KLHDC2: variants seen among roughly 807,000 people sequenced by gnomAD.
KLHDC2 encodes the protein kelch domain-containing protein 2.
A neutral mutation model predicts 62.3 loss-of-function variants in KLHDC2; 38 were observed. The observed-to-expected ratio is 0.61, with a 90% confidence interval of 0.47 to 0.80. KLHDC2 has a LOEUF of 0.80. Among genes scored for constraint, KLHDC2 ranks in the 30% least tolerant of loss-of-function variants. KLHDC2 has a pLI of 0.00. For synonymous variants in KLHDC2, 159 were observed against 161.0 expected (o/e 0.99, Z 0.09); for missense variants, 430 against 495.3 (o/e 0.87, Z 1.25).
chr14:49,772,697 C>T (rs2139791033), intron 2 of KLHDC2, among the ~76,000 whole-genome samples: 1 of 152,366 alleles, frequency 6.6e-6, no homozygotes. Context: ...TGGCTCACGC[C>T]TGTAATCCCA....
At position 49,783,717 on chromosome 14, in the gene KLHDC2, G is replaced by A. The variant is rs1379595566; in HGVS notation, c.*764G>A. The A allele has an allele frequency of 6.6e-6, 1 of 152,010 alleles. No individual in the cohort carries two copies. Among genetic ancestry groups the A allele is most frequent in the Non-Finnish European group, 1.5e-5 (1 of 68,012 alleles). 9.4% of individuals were successfully genotyped at this position (152,010 alleles called of 1,614,324 possible). On this transcript the variant is annotated 3_prime_UTR_variant, in exon 13 of 13. Coordinates refer to ENST00000298307, the MANE Select transcript of KLHDC2 (RefSeq NM_014315.3). ...CTATATTGGTAATTAATTACTAAAG[G>A]TGGAAATTAAAATGGTACAGAACTG...
Position 49,782,527 on chromosome 14 carries a change from C to CTAT in KLHDC2, c.1045-13_1045-11dup, listed in dbSNP as rs774835161. 2.1e-5 allele frequency: 34 copies of CTAT among 1,603,334 alleles called. No homozygotes were observed. In the South Asian group the frequency reaches 3.4e-4, roughly 16 times the overall value. On this transcript the variant is annotated splice_polypyrimidine_tract_variant and intron_variant, in intron 11 of 12. Coordinates refer to ENST00000298307, the MANE Select transcript of KLHDC2 (RefSeq NM_014315.3). ...GCATTTGCTTTTAAATGTGTTCTTCCTATTTATTTTTCAGGCACACAGTAA... is the reference window on the plus strand; with the variant it reads ...GCATTTGCTTTTAAATGTGTTCTTCCTATTATTTATTTTTCAGGCACACAGTAA...
chr14:49,771,744 T>C (rs1177138073), intron 2 of KLHDC2, 71 bp downstream of exon 2: 4 of 805,518 alleles, frequency 5.0e-6, no homozygotes, highest in Non-Finnish European at 8.7e-6. Context: ...GGCTCATGCC[T>C]ATAATCCCAG....
chr14:49,768,787 A>G, intron 1 of KLHDC2, 166 bp downstream of exon 1: 2 of 610,920 alleles, frequency 3.3e-6, no homozygotes, highest in Non-Finnish European at 2.7e-6. Flanking sequence ...GCGCGCGGGA[A>G]TCTTCCTTCT....
In KLHDC2 at chr14:49,768,317, G is replaced by A. The variant is rs1889585910; in HGVS notation, c.-152G>A. On this transcript the variant is annotated 5_prime_UTR_variant, in exon 1 of 13. Transcript: ENST00000298307. ...TCCTCGGCCGAGGAGGCTGGGAAAC[G>A]CGAGCGCAGGCGGCAGAGAGGCCTC... 4 of 817,242 alleles carry A rather than the reference G, an allele frequency of 4.9e-6. No individual in the cohort carries two copies. Among genetic ancestry groups the A allele is most frequent in the Non-Finnish European group, 5.5e-6 (3 of 548,418 alleles). The allele number at this position is 817,242 out of a possible 1,614,324, so 50.6% of individuals were successfully genotyped here. A position where few individuals can be genotyped will look rare whatever the true frequency, so the allele number is the denominator to read the frequency against.
chr14:49,780,924 C>T, intron 10 of KLHDC2, 149 bp downstream of exon 10: 1 of 615,444 alleles, frequency 1.6e-6, no homozygotes, highest in Non-Finnish European at 2.9e-6. Flanking sequence ...CAATGTTATC[C>T]TAGTATCGAA....
At chr14:49,780,097 T>C in intron 8 of KLHDC2, 116 bp from the exon 9 acceptor site, 1 of 704,348 alleles carries the variant, frequency 1.4e-6, no homozygotes, top group South Asian at 1.8e-5. Context: ...CCAAGAAGCC[T>C]TTTTAAACTT....
At chr14:49,777,785 A>G in intron 3 of KLHDC2, 54 bp from the exon 4 acceptor site, 1 of 940,110 alleles carries the variant, frequency 1.1e-6, no homozygotes, top group South Asian at 1.6e-5. Context: ...TTAAATGCTA[A>G]ACTTGAATTT....
At chr14:49,782,643 T>TAA in intron 12 of KLHDC2, 49 bp downstream of exon 12, 2 of 1,500,688 alleles carry the variant, frequency 1.3e-6, no homozygotes, top group Non-Finnish European at 1.8e-6. Context: ...TTGTGTTTCC[T>TAA]AAGACTTAGC....
chr14:49,776,498 A>C (rs1889775676), intron 3 of KLHDC2, among the ~76,000 whole-genome samples: 1 of 152,132 alleles, frequency 6.6e-6, no homozygotes, highest in Non-Finnish European at 1.5e-5. Context: ...TTAATCTTAA[A>C]GATTAAGTCA....
At position 49,768,272 on chromosome 14, in the gene KLHDC2, C is replaced by G; in HGVS notation, c.-197C>G. On this transcript the variant is annotated 5_prime_UTR_variant, in exon 1 of 13. Coordinates refer to ENST00000298307, the MANE Select transcript of KLHDC2 (RefSeq NM_014315.3). ...CGGCCCCTCTGTCTGCAGGCGTGCC[C>G]CGGCGGCGGCGGAGAGCCGTCCTCG... The G allele has an allele frequency of 1.9e-6, 1 of 537,586 alleles. No homozygotes were observed. Among genetic ancestry groups the G allele is most frequent in the Non-Finnish European group, 3.1e-6 (1 of 321,402 alleles). 33.3% of individuals were successfully genotyped at this position (537,586 alleles called of 1,614,324 possible).
chr14:49,777,972 C>CAG lies in KLHDC2; in HGVS notation c.467+19_467+20dup. 1 of 1,482,456 alleles carries CAG rather than the reference C, an allele frequency of 6.7e-7. No homozygotes were observed. Among genetic ancestry groups the CAG allele is most frequent in the South Asian group, 1.2e-5 (1 of 85,662 alleles). 91.8% of individuals were successfully genotyped at this position (1,482,456 alleles called of 1,614,324 possible). On this transcript the variant is annotated intron_variant, in intron 4 of 12. Coordinates refer to ENST00000298307, the MANE Select transcript of KLHDC2 (RefSeq NM_014315.3). ...AAAAACAAGTAAGTTGGCAGCACTA[C>CAG]AGGTTTGGGTTTTTATGTGTAAAGT... is the stretch of plus-strand genomic sequence containing the variant.
At chr14:49,774,987 C>A in intron 3 of KLHDC2, 2 of 276,864 alleles carry the variant, frequency 7.2e-6, no homozygotes, top group Admixed American at 5.1e-5. Context: ...AATAAAATTG[C>A]AGACAAAATG....
intron 10 of KLHDC2, 43 bp downstream of exon 10, chr14:49,780,818 A>G (rs767500715): frequency 1.9e-6 from 2 of 1,063,082 alleles, no homozygotes; most frequent in Non-Finnish European, 2.9e-6. Context: ...ATAAGACATA[A>G]GAATTGAGGT....
chr14:49,780,830 T>C, intron 10 of KLHDC2, 55 bp downstream of exon 10: 2 of 927,348 alleles, frequency 2.2e-6, no homozygotes, highest in African/African-American at 1.6e-5. Context: ...AATTGAGGTT[T>C]TGGCTGCATT....
intron 3 of KLHDC2, among the ~76,000 whole-genome samples, chr14:49,776,635 A>T (rs1185325221): frequency 6.6e-6 from 1 of 151,990 alleles, no homozygotes; most frequent in Non-Finnish European, 1.5e-5. Context: ...AATAAATATC[A>T]GGGCTGGGTG....
At chr14:49,782,158 G>A (rs1889932989) in intron 10 of KLHDC2, 4 of 515,940 alleles carry the variant, frequency 7.8e-6, no homozygotes, top group Admixed American at 3.7e-5. Context: ...GCATAAATGA[G>A]AACGACCAGA....
At position 49,774,570 on chromosome 14, in the gene KLHDC2, C is replaced by T; in HGVS notation, c.243C>T (p.Ile81=). Residue 81 remains isoleucine (I), a synonymous_variant, in exon 3 of 13, where the codon ATC becomes ATT. Transcript: ENST00000298307. ...YNMETGRWKK[I]NTEGDVPPSM... is the part of the protein sequence containing the mutation. ...ATTTATTCCCCCTCAGGAAAAAAAT[C>T]AACACTGAAGGTGATGTTCCTCCTT... 1 of 1,609,236 alleles carries T rather than the reference C, an allele frequency of 6.2e-7. No homozygotes were observed. Among genetic ancestry groups the T allele is most frequent in the Non-Finnish European group, 8.5e-7 (1 of 1,175,620 alleles).
rs1415396608 is a variant in KLHDC2, at chr14:49,780,381, G to GA, written c.883+63dup. 1.5e-5 allele frequency: 17 copies of GA among 1,133,628 alleles called. No homozygotes were observed. The East Asian group carries it at 1.9e-4, about 13-fold the overall frequency. 70.2% of individuals were successfully genotyped at this position (1,133,628 alleles called of 1,614,324 possible). On this transcript the variant is annotated intron_variant, in intron 9 of 12. Coordinates refer to ENST00000298307, the MANE Select transcript of KLHDC2 (RefSeq NM_014315.3). ...CATATATCATCCATATCTAATAGCT[G>GA]AAAATGAGTCTATTAGAGACTGATG...
Sources: gnomAD v4.1 joint callset for allele counts (sites outside exome capture counted in the v4.1 genomes callset) on GRCh38, gnomAD v4.1.1 for gene constraint, MANE v1.5 for transcripts, NCBI Gene and HGNC (gene_info 2026-07-23, HGNC 2026-07-21) for gene names.